CLSTN2: variants seen among roughly 807,000 people sequenced by gnomAD.
CLSTN2 encodes the protein calsyntenin-2.
CLSTN2 carries 48 observed loss-of-function variants against 101.2 expected under a neutral mutation model. The observed-to-expected ratio is 0.47, with a 90% CI of 0.38 to 0.60. The LOEUF is 0.60. Among genes scored for constraint, CLSTN2 ranks in the 20% least tolerant of loss-of-function variants. The probability of loss-of-function intolerance (pLI) is 0.00; values close to 1 mark genes in which losing one functional copy is unlikely to be tolerated. For synonymous variants in CLSTN2, 481 were observed against 463.6 expected (o/e 1.04, Z -0.48); for missense variants, 1,160 against 1,238.2 (o/e 0.94, Z 0.95).
intron 1 of CLSTN2, among the ~76,000 whole-genome samples, chr3:139,945,118 C>G (rs1935196463): frequency 6.6e-6 from 1 of 152,156 alleles, no homozygotes; most frequent in Admixed American, 6.5e-5. Flanking sequence ...CACTTTGCAT[C>G]TCTATGATGT....
At chr3:140,021,688 G>A (rs1204657460) in intron 1 of CLSTN2, among the ~76,000 whole-genome samples, 1 of 152,082 alleles carries the variant, frequency 6.6e-6, no homozygotes, top group East Asian at 1.9e-4. Flanking sequence ...CTCTTCTCAG[G>A]TCCAGAACTT....
intron 2 of CLSTN2, among the ~76,000 whole-genome samples, chr3:140,336,410 G>A (rs1052201588): frequency 6.6e-6 from 1 of 152,216 alleles, no homozygotes; most frequent in Non-Finnish European, 1.5e-5. Flanking sequence ...AAGGAGATGA[G>A]GCTGGACTAT....
At chr3:140,071,246 A>C (rs1026599760) in intron 1 of CLSTN2, among the ~76,000 whole-genome samples, 2 of 152,196 alleles carry the variant, frequency 1.3e-5, no homozygotes, top group Non-Finnish European at 1.5e-5. Context: ...AGACATTGCA[A>C]TACCTTCCGC....
At position 140,093,019 on chromosome 3, in the gene CLSTN2, C is replaced by A. The variant is rs2008807283; in HGVS notation, c.110-82932C>A. Among the ~76,000 whole-genome samples the A allele has an allele frequency of 2.0e-5, 3 of 152,154 alleles. No homozygotes were observed. In the South Asian group the frequency reaches 6.2e-4, roughly 32 times the overall value. On this transcript the variant is annotated intron_variant, in intron 1 of 16. Coordinates refer to ENST00000458420, the MANE Select transcript of CLSTN2 (RefSeq NM_022131.3). ...TTTCCCCAGAGTGTGGGTATACCATCTGGGCCCCTGTGAGGATGTAAGCCC... is the reference window on the plus strand; with the variant it reads ...TTTCCCCAGAGTGTGGGTATACCATATGGGCCCCTGTGAGGATGTAAGCCC...
chr3:140,045,819 G>C (rs1415204547), intron 1 of CLSTN2, among the ~76,000 whole-genome samples: 1 of 152,148 alleles, frequency 6.6e-6, no homozygotes, highest in Non-Finnish European at 1.5e-5. Context: ...TCCATGCAGT[G>C]GAGCGGTTTT....
intron 1 of CLSTN2, among the ~76,000 whole-genome samples, chr3:140,092,854 G>A (rs1233293348): frequency 2.6e-5 from 4 of 152,184 alleles, no homozygotes; most frequent in Admixed American, 1.3e-4. Flanking sequence ...CTCCAGGGAC[G>A]GTGACTTGCG....
chr3:139,969,983 A>G (rs559848037), intron 1 of CLSTN2, among the ~76,000 whole-genome samples: 3 of 152,334 alleles, frequency 2.0e-5, no homozygotes, highest in East Asian at 1.9e-4. Context: ...CTTTGGAGTC[A>G]TAAAACTGGG....
At chr3:140,253,623 G>T (rs756448524) in intron 2 of CLSTN2, among the ~76,000 whole-genome samples, 1 of 152,062 alleles carries the variant, frequency 6.6e-6, no homozygotes, top group Admixed American at 6.6e-5. Flanking sequence ...AGCCAGAAAG[G>T]TAAAGTGGAA....
chr3:140,074,154 A>G (rs962734187), intron 1 of CLSTN2, among the ~76,000 whole-genome samples: 1 of 151,982 alleles, frequency 6.6e-6, no homozygotes, highest in Admixed American at 6.6e-5. Flanking sequence ...CCCACCTGCC[A>G]TTTGACCTTT....
chr3:140,384,223 G>A (rs956334923), intron 2 of CLSTN2, among the ~76,000 whole-genome samples: 9 of 152,206 alleles, frequency 5.9e-5, no homozygotes, highest in African/African-American at 2.2e-4. Context: ...GGCCATCATG[G>A]CTCACAGCCC....
intron 2 of CLSTN2, among the ~76,000 whole-genome samples, chr3:140,347,766 A>C (rs1225968220): frequency 6.6e-6 from 1 of 152,220 alleles, no homozygotes. Context: ...CCCTATCCTA[A>C]TTTGCCTTTT....
At chr3:139,995,639 T>C (rs556372605) in intron 1 of CLSTN2, among the ~76,000 whole-genome samples, 1 of 152,304 alleles carries the variant, frequency 6.6e-6, no homozygotes, top group African/African-American at 2.4e-5. Flanking sequence ...GAAAAGGAAT[T>C]TGAAGTCTTG....
At chr3:140,162,023 A>G (rs2010054737) in intron 1 of CLSTN2, among the ~76,000 whole-genome samples, 1 of 152,252 alleles carries the variant, frequency 6.6e-6, no homozygotes, top group Non-Finnish European at 1.5e-5. Context: ...AATTTTAAAA[A>G]ACAGTGGGAA....
chr3:140,332,839 T>C (rs1029794601), intron 2 of CLSTN2, among the ~76,000 whole-genome samples: 17 of 152,180 alleles, frequency 1.1e-4, no homozygotes, highest in African/African-American at 4.1e-4. Flanking sequence ...TCATCCCCTG[T>C]TCATTTCCTC....
chr3:139,938,809 T>C (rs947988409), intron 1 of CLSTN2, among the ~76,000 whole-genome samples: 11 of 152,184 alleles, frequency 7.2e-5, no homozygotes, highest in Admixed American at 7.2e-4. Flanking sequence ...TAGAGGTCAT[T>C]TGGAACAATA....
chr3:140,318,618 C>T (rs181136976), intron 2 of CLSTN2, among the ~76,000 whole-genome samples: 61 of 152,272 alleles, frequency 4.0e-4, no homozygotes, highest in Admixed American at 1.3e-3. Flanking sequence ...TTTCTTCATG[C>T]TATTGGCTAA....
intron 1 of CLSTN2, among the ~76,000 whole-genome samples, chr3:140,133,057 A>G (rs2009546104): frequency 6.6e-6 from 1 of 152,208 alleles, no homozygotes; most frequent in Non-Finnish European, 1.5e-5. Context: ...AGCAGGCTAC[A>G]CAAGCATGGC....
chr3:140,427,484 G>T (rs2088584924), intron 5 of CLSTN2, among the ~76,000 whole-genome samples: 1 of 151,948 alleles, frequency 6.6e-6, no homozygotes, highest in African/African-American at 2.4e-5. Context: ...ATCAATGCGA[G>T]GTGCCAGAGA....
intron 4 of CLSTN2, among the ~76,000 whole-genome samples, chr3:140,406,717 G>A (rs2088306664): frequency 6.6e-6 from 1 of 152,180 alleles, no homozygotes; most frequent in Non-Finnish European, 1.5e-5. Flanking sequence ...CAGTTGTGCA[G>A]TGTATCCCAT....
Sources: gnomAD v4.1 joint callset for allele counts (sites outside exome capture counted in the v4.1 genomes callset) on GRCh38, gnomAD v4.1.1 for gene constraint, MANE v1.5 for transcripts, NCBI Gene and HGNC (gene_info 2026-07-23, HGNC 2026-07-21) for gene names.